The following FHOD3 variants were observed in gnomAD, a reference collection of about 807,000 sequenced individuals.
FHOD3 encodes the protein FH1/FH2 domain-containing protein 3.
FHOD3 carries 90 observed loss-of-function variants against 173.0 expected under a neutral mutation model. The ratio of observed to expected loss-of-function variants is 0.52; its 90% CI spans 0.44 to 0.62. The LOEUF (loss-of-function observed/expected upper bound fraction) is 0.62, where lower values mean the gene tolerates loss of function less well. FHOD3 is among the 20% of genes least tolerant of loss of function. FHOD3 has a pLI of 0.00. For missense variants in FHOD3, 1,945 were observed against 2,034.7 expected (o/e 0.96, Z 0.85); for synonymous variants, 828 against 823.0 (o/e 1.01, Z -0.10).
intron 17 of FHOD3, among the ~76,000 whole-genome samples, chr18:36,697,093 G>C (rs1470489465): frequency 6.6e-6 from 1 of 152,130 alleles, no homozygotes; most frequent in Non-Finnish European, 1.5e-5. Flanking sequence ...GTTTCTCTGA[G>C]GATGAAAACT....
rs1282996953 is a variant in FHOD3, at chr18:36,632,436, T to A, written c.1196+6687T>A. On this transcript the variant is annotated intron_variant, in intron 10 of 28. Coordinates refer to ENST00000590592, the MANE Select transcript of FHOD3 (RefSeq NM_001281740.3). Reference sequence around the variant, plus strand: ...TTAATTGACCTACAACTAGTCTTTATTTTTAATATGAAAACCTTCAGATTC... The same window carrying A: ...TTAATTGACCTACAACTAGTCTTTAATTTTAATATGAAAACCTTCAGATTC... Among the ~76,000 whole-genome samples, 5 of 152,226 alleles carry A rather than the reference T, an allele frequency of 3.3e-5. No homozygotes were observed. The East Asian group carries it at 9.6e-4, about 29-fold the overall frequency.
intron 3 of FHOD3, among the ~76,000 whole-genome samples, chr18:36,456,222 T>C (rs2052203873): frequency 6.6e-6 from 1 of 152,168 alleles, no homozygotes; most frequent in African/African-American, 2.4e-5. Flanking sequence ...CCTTTAGCTA[T>C]GCATGATTTT....
chr18:36,466,097 T>C (rs925506265), intron 3 of FHOD3, among the ~76,000 whole-genome samples: 5 of 152,072 alleles, frequency 3.3e-5, no homozygotes, highest in African/African-American at 1.2e-4. Context: ...ACTGAATAAA[T>C]AAATACATGT....
intron 3 of FHOD3, among the ~76,000 whole-genome samples, chr18:36,429,507 C>G (rs2050419301): frequency 6.6e-6 from 1 of 152,130 alleles, no homozygotes; most frequent in African/African-American, 2.4e-5. Context: ...CTTTTTGAAG[C>G]AGTCTTCATT....
chr18:36,602,607 T>G (rs2031537129), intron 7 of FHOD3, 67 bp from the exon 8 acceptor site: 2 of 1,168,830 alleles, frequency 1.7e-6, no homozygotes, highest in South Asian at 1.2e-5. Context: ...GATAATAAAC[T>G]GTGATGTGAG....
intron 1 of FHOD3, among the ~76,000 whole-genome samples, chr18:36,327,206 G>T (rs1336383688): frequency 1.3e-5 from 2 of 152,112 alleles, no homozygotes; most frequent in Non-Finnish European, 2.9e-5. Context: ...CATCACCTTT[G>T]TTTCGATTGT....
At chr18:36,403,199 C>T (rs934844817) in intron 3 of FHOD3, among the ~76,000 whole-genome samples, 4 of 152,154 alleles carry the variant, frequency 2.6e-5, no homozygotes, top group African/African-American at 7.2e-5. Flanking sequence ...CCTCTCTCCC[C>T]TAGGGGGCTG....
intron 3 of FHOD3, among the ~76,000 whole-genome samples, chr18:36,494,251 T>G (rs529924343): frequency 7.2e-5 from 11 of 152,330 alleles, no homozygotes; most frequent in Non-Finnish European, 1.5e-4. Flanking sequence ...AAAGCAGGAA[T>G]GGTCCCCAGG....
intron 5 of FHOD3, among the ~76,000 whole-genome samples, chr18:36,556,241 G>A (rs574292802): frequency 1.3e-5 from 2 of 152,100 alleles, no homozygotes; most frequent in Non-Finnish European, 2.9e-5. Context: ...TGAACAATAT[G>A]AGTGAACTGT....
At position 36,297,782 on chromosome 18, in the gene FHOD3, CGGCCCGCGGCCCCGCTAACCCCGG is replaced by C. The variant is rs1179271175; in HGVS notation, c.-45_-22del. On this transcript the variant is annotated 5_prime_UTR_variant, in exon 1 of 29. Transcript: ENST00000590592. ...CCTGCGCGCAGCTACCCGGGCGTCCCGGCCCGCGGCCCCGCTAACCCCGGGGCCCGCGCCCCCGCGGCAGGGATG... is the reference window on the plus strand; with the variant it reads ...CCTGCGCGCAGCTACCCGGGCGTCCCGGCCCGCGCCCCCGCGGCAGGGATG... 40 of 1,440,836 alleles carry C rather than the reference CGGCCCGCGGCCCCGCTAACCCCGG, an allele frequency of 2.8e-5. No homozygotes were observed. The East Asian group carries it at 5.9e-4, about 21-fold the overall frequency. 89.3% of individuals were successfully genotyped at this position (1,440,836 alleles called of 1,614,324 possible).
At chr18:36,405,920 T>G (rs191878956) in intron 3 of FHOD3, among the ~76,000 whole-genome samples, 5 of 152,320 alleles carry the variant, frequency 3.3e-5, no homozygotes, top group Admixed American at 3.3e-4. Flanking sequence ...AGTTTGCCTG[T>G]GGGTTCCAGA....
At chr18:36,404,571 A>G (rs1233658622) in intron 3 of FHOD3, among the ~76,000 whole-genome samples, 10 of 152,174 alleles carry the variant, frequency 6.6e-5, no homozygotes, top group Admixed American at 6.5e-4. Context: ...GTGCAGATGT[A>G]TCACTTGGGG....
At chr18:36,643,028 T>G (rs1219234985) in intron 10 of FHOD3, among the ~76,000 whole-genome samples, 1 of 152,168 alleles carries the variant, frequency 6.6e-6, no homozygotes, top group African/African-American at 2.4e-5. Context: ...TGGACTTGTT[T>G]TGGTCACTCA....
At chr18:36,666,738 C>T (rs1026542407) in intron 14 of FHOD3, among the ~76,000 whole-genome samples, 3 of 152,166 alleles carry the variant, frequency 2.0e-5, no homozygotes, top group Admixed American at 1.3e-4. Flanking sequence ...TAAGATTTTA[C>T]TTAACTTGAA....
chr18:36,395,589 T>G (rs2146560824), intron 3 of FHOD3, among the ~76,000 whole-genome samples: 1 of 152,294 alleles, frequency 6.6e-6, no homozygotes, highest in South Asian at 2.1e-4. Context: ...TTTATTCCCC[T>G]CTTTCATTCT....
intron 5 of FHOD3, among the ~76,000 whole-genome samples, chr18:36,545,347 G>C (rs1161202957): frequency 6.6e-6 from 1 of 152,206 alleles, no homozygotes; most frequent in African/African-American, 2.4e-5. Flanking sequence ...GCAGGTGTGA[G>C]GCTTCTAGAG....
At chr18:36,563,997 AGTGTAT>A (rs1319757057) in intron 5 of FHOD3, among the ~76,000 whole-genome samples, 10 of 151,958 alleles carry the variant, frequency 6.6e-5, no homozygotes, top group African/African-American at 2.4e-4. Context: ...AGATGCCCTA[AGTGTAT>A]GTGTCCTGCA....
intron 5 of FHOD3, among the ~76,000 whole-genome samples, chr18:36,558,141 G>C (rs979123363): frequency 6.6e-6 from 1 of 152,046 alleles, no homozygotes; most frequent in African/African-American, 2.4e-5. Flanking sequence ...GGAACCCTTG[G>C]TAGATTTTCA....
intron 1 of FHOD3, among the ~76,000 whole-genome samples, chr18:36,333,861 CT>C (rs2045154823): frequency 6.6e-6 from 1 of 152,234 alleles, no homozygotes. Flanking sequence ...GGATGGACAA[CT>C]TAGCACATCA....
Sources: allele counts gnomAD v4.1 joint callset (sites outside exome capture counted in the v4.1 genomes callset), GRCh38; gene constraint gnomAD v4.1.1; transcripts MANE v1.5; gene names NCBI Gene and HGNC (gene_info 2026-07-23, HGNC 2026-07-21).